DAB2IP: variants seen among roughly 807,000 people sequenced by gnomAD.
The protein encoded by DAB2IP is disabled homolog 2-interacting protein.
In DAB2IP, 28 loss-of-function variants were observed where a neutral mutation model predicts 107.2. The observed-to-expected ratio is 0.26, with a 90% CI of 0.19 to 0.36. The LOEUF is 0.36. DAB2IP is among the 10% of genes least tolerant of loss of function. The pLI, the probability that DAB2IP is intolerant of heterozygous loss-of-function variation, is 1.00. For missense variants in DAB2IP, 1,400 were observed against 1,644.7 expected, an observed-to-expected ratio of 0.85 and a Z score of 2.57; for synonymous variants, 755 against 706.4, an observed-to-expected ratio of 1.07 and a Z score of -1.09.
intron 2 of DAB2IP, among the ~76,000 whole-genome samples, chr9:121,689,377 C>T (rs976009885): frequency 6.6e-5 from 10 of 151,984 alleles, no homozygotes; most frequent in Admixed American, 6.6e-4. Flanking sequence ...TGAACCTTGG[C>T]CCGCAGATGG....
At chr9:121,618,258 G>A (rs1373488745) in intron 1 of DAB2IP, among the ~76,000 whole-genome samples, 1 of 152,194 alleles carries the variant, frequency 6.6e-6, no homozygotes, top group Non-Finnish European at 1.5e-5. Flanking sequence ...AGTCCCCAAG[G>A]GAAATGAGGG....
At chr9:121,775,523 G>A (rs1342648436) in intron 13 of DAB2IP, among the ~76,000 whole-genome samples, 4 of 152,180 alleles carry the variant, frequency 2.6e-5, no homozygotes, top group Non-Finnish European at 2.9e-5. Flanking sequence ...CGATCCCGGC[G>A]TTGGCCTTTC....
rs904005227 is a variant in DAB2IP at position 121,736,327 on chromosome 9, C to G, written c.363-20686C>G. ...GGGCCGCGGGCAAGTGAGGGGCTGG[C>G]GGGGCCGGTGGGGACCCAGACTCGC... On this transcript the variant is annotated intron_variant, in intron 3 of 15. Transcript: ENST00000408936. The surrounding 1 kb of genome is among the most constrained non-coding windows in gnomAD (Gnocchi z 4.6). Among the ~76,000 whole-genome samples, 27 of 152,100 alleles carry G rather than the reference C, an allele frequency of 1.8e-4. No individual in the cohort carries two copies. The highest frequency in any genetic ancestry group is 6.3e-4 in the African/African-American group (26 of 41,424).
chr9:121,621,117 G>T (rs1338737192), intron 1 of DAB2IP, among the ~76,000 whole-genome samples: 1 of 152,046 alleles, frequency 6.6e-6, no homozygotes, highest in Non-Finnish European at 1.5e-5. Flanking sequence ...CAAGTCTGGT[G>T]GTTCCCCTTG....
rs935751263 is a variant in DAB2IP, at chr9:121,635,414, T to A, written c.41-43264T>A. Among the ~76,000 whole-genome samples the A allele has an allele frequency of 3.9e-5, 6 of 152,112 alleles. No individual in the cohort carries two copies. Among genetic ancestry groups the A allele is most frequent in the African/African-American group, 1.2e-4 (5 of 41,416 alleles). On this transcript the variant is annotated intron_variant, in intron 1 of 16. Coordinates refer to the DAB2IP transcript ENST00000259371. The surrounding 1 kb of genome is among the most constrained non-coding windows in gnomAD (Gnocchi z 4.3). ...AAATCTGTGAAGGGCTCACAGTTAG[T>A]TGGTGGTAGAGCTGAAACTGGAACT... is the stretch of plus-strand genomic sequence containing the variant.
chr9:121,568,367 GT>G (rs775855616), intron 1 of DAB2IP, among the ~76,000 whole-genome samples: 9 of 152,200 alleles, frequency 5.9e-5, no homozygotes, highest in Non-Finnish European at 8.8e-5. Flanking sequence ...GGGACGGGGG[GT>G]CAGTTGATGC....
intron 2 of DAB2IP, among the ~76,000 whole-genome samples, chr9:121,679,805 C>G (rs1221412895): frequency 1.3e-5 from 2 of 151,994 alleles, no homozygotes; most frequent in Non-Finnish European, 2.9e-5. Flanking sequence ...CGGGAGCTGG[C>G]TTTTGAGCTG....
intron 3 of DAB2IP, among the ~76,000 whole-genome samples, chr9:121,730,342 G>T (rs1197718429): frequency 6.6e-6 from 1 of 152,214 alleles, no homozygotes; most frequent in Non-Finnish European, 1.5e-5. Context: ...TATATTTGCT[G>T]TGCTCAGCTG....
chr9:121,594,916 G>T (rs1476047483), intron 1 of DAB2IP, among the ~76,000 whole-genome samples: 2 of 152,164 alleles, frequency 1.3e-5, no homozygotes, highest in African/African-American at 4.8e-5. Context: ...GGTAGAGATA[G>T]GGAGGACAGA....
intron 3 of DAB2IP, chr9:121,737,192 C>T: frequency 3.0e-6 from 3 of 985,400 alleles, no homozygotes; most frequent in Non-Finnish European, 3.6e-6. Context: ...CTCTGGCCTG[C>T]ACCCTGCCCA....
chr9:121,677,848 G>C (rs1243428201), intron 1 of DAB2IP, among the ~76,000 whole-genome samples: 1 of 152,140 alleles, frequency 6.6e-6, no homozygotes, highest in Non-Finnish European at 1.5e-5. Context: ...TGTCAGTAGA[G>C]ACAGGGTTTC....
At chr9:121,583,904 C>T (rs758276904) in intron 1 of DAB2IP, among the ~76,000 whole-genome samples, 2 of 152,282 alleles carry the variant, frequency 1.3e-5, no homozygotes, top group African/African-American at 2.4e-5. Flanking sequence ...TGACGTCAGG[C>T]GTGGTGGCTC....
chr9:121,766,451 C>G, intron 8 of DAB2IP, 43 bp from the exon 9 acceptor site: 1 of 1,568,052 alleles, frequency 6.4e-7, no homozygotes, highest in South Asian at 1.1e-5. Flanking sequence ...TGTCCTGGGC[C>G]CCTGCCTGAC....
chr9:121,685,910 G>T (rs768952030), intron 2 of DAB2IP, among the ~76,000 whole-genome samples: 4 of 152,208 alleles, frequency 2.6e-5, no homozygotes, highest in Admixed American at 1.3e-4. Flanking sequence ...GAAATGTGAG[G>T]AAGTGGCTGG....
At chr9:121,743,442 T>C (rs1251785916) in intron 3 of DAB2IP, among the ~76,000 whole-genome samples, 1 of 152,162 alleles carries the variant, frequency 6.6e-6, no homozygotes, top group African/African-American at 2.4e-5. Context: ...GTTTTTTTTT[T>C]CTTTCCTGTT....
rs780602483 is a variant in DAB2IP, at chr9:121,760,461, CCT to C, written c.1170+23_1170+24del. 1 of 1,562,236 alleles carries C rather than the reference CCT, an allele frequency of 6.4e-7. No homozygotes were observed. Among genetic ancestry groups the C allele is most frequent in the Non-Finnish European group, 8.6e-7 (1 of 1,158,474 alleles). ...GAAGGTGCGTGCAGGCCCCTCGGCT[CCT>C]GACACAGGCTGGGCGGCAGCACTGG... On this transcript the variant is annotated intron_variant, in intron 6 of 15. Transcript: ENST00000408936. This position sits in a 1 kb window ranked among gnomAD's most constrained non-coding sequence, Gnocchi z 5.9.
At position 121,766,491 on chromosome 9, in the gene DAB2IP, C is replaced by T. The variant is rs1190997872; in HGVS notation, c.1461-3C>T. 6.2e-7 allele frequency: 1 copy of T among 1,604,230 alleles called. No homozygotes were observed. Among genetic ancestry groups the T allele is most frequent in the East Asian group, 2.2e-5 (1 of 44,882 alleles). ...AAGCCCACCTTTGTCTGTCCCTACA[C>T]AGTGTCTTCCCACGGGAGTTGAAAG... is the stretch of plus-strand genomic sequence containing the variant. On this transcript the variant is annotated splice_polypyrimidine_tract_variant and splice_region_variant and intron_variant, in intron 8 of 15. Coordinates refer to ENST00000408936, the Ensembl canonical transcript of DAB2IP.
chr9:121,737,717 T>C, intron 3 of DAB2IP: 1 of 985,246 alleles, frequency 1.0e-6, no homozygotes, highest in South Asian at 4.7e-5. Context: ...ACCACAAAGG[T>C]CTGTTTGAAG....
Position 121,699,512 on chromosome 9 carries a change from C to A in DAB2IP, c.362+54C>A. On this transcript the variant is annotated intron_variant, in intron 3 of 15. Coordinates refer to ENST00000408936, the Ensembl canonical transcript of DAB2IP. This position sits in a 1 kb window ranked among gnomAD's most constrained non-coding sequence, Gnocchi z 6.2. Reference sequence around the variant, plus strand: ...CGCGCCGCCGCCCCGGGCTGCGCCCCTGAGGACGCGGGGACAAAGCGCGAG... The same window carrying A: ...CGCGCCGCCGCCCCGGGCTGCGCCCATGAGGACGCGGGGACAAAGCGCGAG... 1.6e-6 allele frequency: 2 copies of A among 1,213,338 alleles called. No individual in the cohort carries two copies. Among genetic ancestry groups the A allele is most frequent in the Non-Finnish European group, 2.1e-6 (2 of 974,300 alleles). 75.2% of individuals were successfully genotyped at this position (1,213,338 alleles called of 1,614,324 possible).
Sources: allele counts gnomAD v4.1 joint callset (sites outside exome capture counted in the v4.1 genomes callset), GRCh38; gene constraint gnomAD v4.1.1; non-coding constraint Gnocchi (gnomAD v3.1); transcripts MANE v1.5; gene names NCBI Gene and HGNC (gene_info 2026-07-23, HGNC 2026-07-21).